The following EDRF1 variants were observed in gnomAD, a reference collection of about 807,000 sequenced individuals.
EDRF1 encodes erythroid differentiation regulatory factor 1, also known as erythroid differentiation-related factor 1.
In EDRF1, 69 loss-of-function variants were observed where a neutral mutation model predicts 148.7. The ratio of observed to expected loss-of-function variants is 0.46; its 90% confidence interval spans 0.38 to 0.57. The LOEUF (loss-of-function observed/expected upper bound fraction) is 0.57, where lower values mean the gene tolerates loss of function less well. Ranked by LOEUF, EDRF1 falls within the 20% of genes least tolerant of loss-of-function variation. The probability of loss-of-function intolerance (pLI) is 0.00; values close to 1 mark genes in which losing one functional copy is unlikely to be tolerated. For synonymous variants in EDRF1, 515 were observed against 532.8 expected (o/e 0.97, Z 0.46); for missense variants, 1,118 against 1,478.7 (o/e 0.76, Z 4.00).
Position 125,723,539 on chromosome 10 carries a change from C to T in EDRF1, c.385-272C>T, listed in dbSNP as rs367577386. On this transcript the variant is annotated intron_variant, in intron 3 of 24. Transcript: ENST00000356792. ...AGCCTGGGTCAGCATAACAGTGTGA[C>T]GTATACACCCTTAACTTTAAGAAAT... Among the ~76,000 whole-genome samples, 73 of 152,186 alleles carry T rather than the reference C, an allele frequency of 4.8e-4. 1 individual carries two copies. Among genetic ancestry groups the T allele is most frequent in the African/African-American group, 1.7e-3 (70 of 41,526 alleles).
In EDRF1 at chr10:125,747,906, A is replaced by G. The variant is rs745624597; in HGVS notation, c.3017A>G (p.Tyr1006Cys). Residue 1006 changes from tyrosine (Y) to cysteine (C), a missense_variant, in exon 21 of 25, where the codon TAC (tyrosine) becomes TGC (cysteine). Tyr to Cys is a radical substitution (Grantham distance 194, BLOSUM62 -2). Transcript: ENST00000356792. ...VSEAMMKSLK[Y>C]CDVDSVSARQ... ...GAGGCCATGATGAAGTCCCTAAAATACTGCGATGTGGATTCAGTGTCTGCT... is the reference window on the plus strand; with the variant it reads ...GAGGCCATGATGAAGTCCCTAAAATGCTGCGATGTGGATTCAGTGTCTGCT... The G allele has an allele frequency of 1.9e-6, 3 of 1,614,074 alleles. No homozygotes were observed. The highest frequency in any genetic ancestry group is 2.5e-6 in the Non-Finnish European group (3 of 1,180,026).
intron 22 of EDRF1, chr10:125,751,807 A>G (rs1032886505): frequency 1.3e-5 from 2 of 152,220 alleles, no homozygotes; most frequent in Admixed American, 6.5e-5. Flanking sequence ...GAAAGGATGT[A>G]CATTAAAATC....
rs757612668 is a variant in EDRF1, at chr10:125,747,576, C to T, written c.2855C>T (p.Thr952Ile). 6.2e-7 allele frequency: 1 copy of T among 1,614,168 alleles called. No homozygotes were observed. Reference sequence around the variant, plus strand: ...TTGAAAGCGCTAAGGTCATTGGGAACACGAGACATACACCCAGCTGTTTGG... The same window carrying T: ...TTGAAAGCGCTAAGGTCATTGGGAATACGAGACATACACCCAGCTGTTTGG... ...YYLKALRSLG[T>I]RDIHPAVWDS... The change falls in exon 20 of 25, where the codon ACA becomes ATA. Residue 952 changes from threonine to isoleucine, a missense_variant. By Grantham distance (89) the Thr-to-Ile change is moderately conservative. Coordinates refer to ENST00000356792, the MANE Select transcript of EDRF1 (RefSeq NM_001202438.2).
chr10:125,742,620 T>C lies in EDRF1; in HGVS notation c.2372-438T>C, dbSNP rs78120758. The C allele has an allele frequency of 4.1e-3, 3,992 of 985,404 alleles. 104 individuals carry two copies. In the East Asian group the frequency reaches 0.094, roughly 23 times the overall value. 61.0% of individuals were successfully genotyped at this position (985,404 alleles called of 1,614,324 possible). On this transcript the variant is annotated intron_variant, in intron 17 of 24. Transcript: ENST00000356792. ...TTTCAGTTAAATATTCTTTTTACTC[T>C]AGTCCCCACTAGATGGCATTTTTAA...
In EDRF1 at chr10:125,763,280, CTT is replaced by C. The variant is rs1850268609; in HGVS notation, c.3546-17_3546-16del. 1.9e-6 allele frequency: 3 copies of C among 1,607,910 alleles called. No individual in the cohort carries two copies. The highest frequency in any genetic ancestry group is 2.7e-5 in the African/African-American group (2 of 74,906). ...GGCATTGCTGGTCCCTTACCTGTCT[CTT>C]TTTCTTTTTTAACCCTAGCAATAAC... On this transcript the variant is annotated intron_variant, in intron 24 of 24. Transcript: ENST00000356792. This position sits in a 1 kb window ranked among gnomAD's most constrained non-coding sequence, Gnocchi z 4.3.
chr10:125,725,501 T>G (rs2133672889), intron 5 of EDRF1, 59 bp downstream of exon 5: 1 of 1,604,346 alleles, frequency 6.2e-7, no homozygotes, highest in Admixed American at 1.7e-5. Context: ...TAAAATTTAG[T>G]GTGAAGCTTA....
intron 1 of EDRF1, 95 bp from the exon 2 acceptor site, chr10:125,721,109 A>G: frequency 8.3e-7 from 1 of 1,204,358 alleles, no homozygotes; most frequent in Non-Finnish European, 1.2e-6. Context: ...TTCCTTGTGA[A>G]GCCTGGTGTG....
Position 125,740,854 on chromosome 10 carries a change from G to A in EDRF1, c.2171-147G>A, listed in dbSNP as rs1215197134. 19 of 1,067,910 alleles carry A rather than the reference G, an allele frequency of 1.8e-5. No homozygotes were observed. The Middle Eastern group carries it at 7.1e-4, about 40-fold the overall frequency. The allele number at this position is 1,067,910 out of a possible 1,614,324, so 66.2% of individuals were successfully genotyped here. ...TCTTTGCTTTGAACTACATGAAGCC[G>A]TAATATGTATTGTTGGACCTAAAAT... On this transcript the variant is annotated intron_variant, in intron 16 of 24. Transcript: ENST00000356792.
Position 125,721,548 on chromosome 10 carries a change from A to G in EDRF1, c.317+136A>G, listed in dbSNP as rs1008344493. 2.1e-5 allele frequency: 18 copies of G among 865,958 alleles called. No individual in the cohort carries two copies. In the African/African-American group the frequency reaches 2.7e-4, roughly 13 times the overall value. The allele number at this position is 865,958 out of a possible 1,614,324, so 53.6% of individuals were successfully genotyped here. ...AGAGAAAGATCACATTTGATTTTCA[A>G]AGGCTTTTTATTCTGATAATAGATG... On this transcript the variant is annotated intron_variant, in intron 2 of 24. Coordinates refer to ENST00000356792, the MANE Select transcript of EDRF1 (RefSeq NM_001202438.2).
Position 125,743,206 on chromosome 10 carries a change from G to A in EDRF1, c.2520G>A (p.Met840Ile), listed in dbSNP as rs771755819. 2 of 1,613,862 alleles carry A rather than the reference G, an allele frequency of 1.2e-6. No individual in the cohort carries two copies. Among genetic ancestry groups the A allele is most frequent in the Admixed American group, 3.3e-5 (2 of 60,014 alleles). The change falls in exon 18 of 25, where the codon ATG (methionine) becomes ATA (isoleucine). Residue 840 changes from methionine to isoleucine, a missense_variant. Around this residue, in one of 3 missense-constraint regions of EDRF1, gnomAD observed 954 missense variants for 1,241.4 expected, o/e 0.77. Transcript: ENST00000356792. ...ACTATGTACAAGTATTAAAGAGAAT[G>A]GGTAACATTAGAAATGAAATTGGTG... The part of the protein sequence containing the change: ...PEHYVQVLKR[M>I]GNIRNEIGVF...
At chr10:125,728,191 CA>C (rs36039615) in intron 6 of EDRF1, among the ~76,000 whole-genome samples, 155 of 128,848 alleles carry the variant, frequency 1.2e-3, no homozygotes, top group East Asian at 4.7e-3. Flanking sequence ...AACTCTGTCT[CA>C]AAAAAAAAAA....
intron 24 of EDRF1, among the ~76,000 whole-genome samples, chr10:125,754,307 T>C (rs1425410656): frequency 1.3e-5 from 2 of 152,234 alleles, no homozygotes; most frequent in South Asian, 2.1e-4. Context: ...GTGTTCCTTC[T>C]TGACTTGTTA....
At chr10:125,725,178 C>A in intron 4 of EDRF1, 140 bp from the exon 5 acceptor site, 1 of 1,037,408 alleles carries the variant, frequency 9.6e-7, no homozygotes, top group Non-Finnish European at 1.4e-6. Context: ...ATGAATTGAC[C>A]CAGAAAGATA....
rs943702755 is a variant in EDRF1, at chr10:125,745,455, T to G, written c.2591-252T>G. The stretch of plus-strand genomic sequence containing the variant: ...TCTCATTTAATCTTAATTACGTCTT[T>G]AAAGGACCTGTCCTAAATACAGTCA... On this transcript the variant is annotated intron_variant, in intron 18 of 24. Transcript: ENST00000356792. The G allele has an allele frequency of 5.6e-6, 3 of 533,598 alleles. No homozygotes were observed. In the Admixed American group the frequency reaches 9.4e-5, roughly 17 times the overall value. The allele number at this position is 533,598 out of a possible 1,614,324, so 33.1% of individuals were successfully genotyped here. A position where few individuals can be genotyped will look rare whatever the true frequency, so the allele number is the denominator to read the frequency against.
rs563776714 is a variant in EDRF1 at position 125,733,722 on chromosome 10, C to T, written c.1364C>T (p.Pro455Leu). The T allele has an allele frequency of 2.5e-5, 41 of 1,612,984 alleles. No homozygotes were observed. The highest frequency in any genetic ancestry group is 6.7e-5 in the Admixed American group (4 of 59,990). Residue 455 changes from proline (P) to leucine (L), a missense_variant, in exon 11 of 25, where the codon CCG (proline) becomes CTG (leucine). By Grantham distance (98) the Pro-to-Leu change is moderately conservative. Transcript: ENST00000356792. ...EDKYQNPFTM[P>L]VAILLYKVAC... Reference sequence around the variant, plus strand: ...AAATACCAAAATCCATTCACAATGCCGGTAGCCATTCTCTTGTACAAGTGA... The same window carrying T: ...AAATACCAAAATCCATTCACAATGCTGGTAGCCATTCTCTTGTACAAGTGA...
intron 23 of EDRF1, 63 bp downstream of exon 23, chr10:125,752,977 T>C (rs1485401647): frequency 1.7e-6 from 2 of 1,164,150 alleles, no homozygotes; most frequent in Non-Finnish European, 2.6e-6. Context: ...TGAATGTATA[T>C]AGTGGACGTG....
rs920902207 is a variant in EDRF1 at position 125,752,698 on chromosome 10, T to G, written c.3278-101T>G. 1.7e-5 allele frequency: 13 copies of G among 773,530 alleles called. No individual in the cohort carries two copies. In the Admixed American group the frequency reaches 2.7e-4, roughly 16 times the overall value. 47.9% of individuals were successfully genotyped at this position (773,530 alleles called of 1,614,324 possible). A position where few individuals can be genotyped will look rare whatever the true frequency, so the allele number is the denominator to read the frequency against. On this transcript the variant is annotated intron_variant, in intron 22 of 24. Coordinates refer to ENST00000356792, the MANE Select transcript of EDRF1 (RefSeq NM_001202438.2). ...GATTTAAGATTCTCATTAGCTTCCT[T>G]TATAGCATTTTGAAAGTCTGAATTT...
At position 125,725,398 on chromosome 10, in the gene EDRF1, G is replaced by A; in HGVS notation, c.591G>A (p.Glu197=). 1.2e-6 allele frequency: 2 copies of A among 1,613,956 alleles called. No individual in the cohort carries two copies. The highest frequency in any genetic ancestry group is 1.7e-6 in the Non-Finnish European group (2 of 1,179,944). Residue 197 remains glutamate (E), a synonymous_variant, in exon 5 of 25, where the codon GAG becomes GAA. Transcript: ENST00000356792. The part of the protein sequence containing the change: ...QKWQRKKKSK[E]HWYQKAILSK... Reference sequence around the variant, plus strand: ...GGCAGAGGAAGAAAAAGAGCAAAGAGCACTGGTATCAAAAGGCAATTCTTT... The same window carrying A: ...GGCAGAGGAAGAAAAAGAGCAAAGAACACTGGTATCAAAAGGCAATTCTTT...
intron 18 of EDRF1, 88 bp from the exon 19 acceptor site, chr10:125,745,619 C>A: frequency 7.2e-7 from 1 of 1,383,142 alleles, no homozygotes; most frequent in Non-Finnish European, 1.0e-6. Flanking sequence ...CCTGTCACTG[C>A]CATCCTCCTC....
Sources: allele counts gnomAD v4.1 joint callset (sites outside exome capture counted in the v4.1 genomes callset), GRCh38; gene constraint gnomAD v4.1.1; regional missense constraint gnomAD v4.1.1; non-coding constraint Gnocchi (gnomAD v3.1); transcripts MANE v1.5; gene names NCBI Gene and HGNC (gene_info 2026-07-23, HGNC 2026-07-21).